The following SLC38A11 variants were observed in gnomAD, a reference collection of about 807,000 sequenced individuals.
The protein encoded by SLC38A11 is solute carrier family 38 member 11, also known as putative sodium-coupled neutral amino acid transporter 11.
A neutral mutation model predicts 49.4 loss-of-function variants in SLC38A11; 51 were observed. The ratio of observed to expected loss-of-function variants is 1.03; its 90% CI spans 0.83 to 1.30. SLC38A11 has a LOEUF of 1.30. SLC38A11 is among the 50% of genes most tolerant of loss of function. The pLI is 0.00. For missense variants in SLC38A11, 574 were observed against 556.2 expected (o/e 1.03, Z -0.32); for synonymous variants, 203 against 192.9 (o/e 1.05, Z -0.43).
rs1688735843 is a variant in SLC38A11, at chr2:164,954,707, A to C, written c.78T>G (p.His26Gln). The C allele has an allele frequency of 6.5e-7, 1 of 1,540,214 alleles. No individual in the cohort carries two copies. The highest frequency in any genetic ancestry group is 8.8e-7 in the Non-Finnish European group (1 of 1,141,200). Residue 26 changes from histidine to glutamine, a missense_variant, in exon 2 of 12, where the codon CAT (histidine) becomes CAG (glutamine). Transcript: ENST00000685975. ...LDDRETLVSE[H>Q]EYKEKTCQSA... ...ACTGACAGGTTTTCTCTTTATACTC[A>C]TGTTCAGAAACAAGGGTTTCTCTGT...
In SLC38A11 at chr2:164,897,262, G is replaced by A. The variant is rs1463873720; in HGVS notation, c.*1175C>T. ...ATCAGTAGACCACCTCGAGCTCTCA[G>A]TTCCTTTAGGGTTTGCTCTGCTGCA... On this transcript the variant is annotated 3_prime_UTR_variant, in exon 12 of 12. Transcript: ENST00000685975. 1 of 152,192 alleles carries A rather than the reference G, an allele frequency of 6.6e-6. No homozygotes were observed. Among genetic ancestry groups the A allele is most frequent in the Non-Finnish European group, 1.5e-5 (1 of 68,044 alleles). The allele number at this position is 152,192 out of a possible 1,614,324, so 9.4% of individuals were successfully genotyped here.
chr2:164,943,562 A>T (rs1687920647), intron 5 of SLC38A11, among the ~76,000 whole-genome samples: 1 of 152,208 alleles, frequency 6.6e-6, no homozygotes, highest in Admixed American at 6.5e-5. Context: ...TAGGGAGAGA[A>T]ATCTCATCAG....
chr2:164,936,842 C>T (rs1240686962), intron 7 of SLC38A11, among the ~76,000 whole-genome samples: 1 of 151,998 alleles, frequency 6.6e-6, no homozygotes, highest in African/African-American at 2.4e-5. Context: ...TTTTACCTCA[C>T]CAAATAATAA....
At chr2:164,917,937 T>C (rs1490465772) in intron 7 of SLC38A11, among the ~76,000 whole-genome samples, 3 of 152,092 alleles carry the variant, frequency 2.0e-5, no homozygotes, top group Non-Finnish European at 4.4e-5. Flanking sequence ...TTTTATAAGA[T>C]GGAAAGTGCC....
chr2:164,915,923 G>A lies in SLC38A11; in HGVS notation c.668C>T (p.Ala223Val), dbSNP rs764538386. Residue 223 changes from alanine to valine, a missense_variant, in exon 8 of 12, where the codon GCG becomes GTG. Physicochemically the swap from Ala to Val is moderately conservative, Grantham distance 64. Transcript: ENST00000685975. The part of the protein sequence containing the change: ...WVFAKPNAIQ[A>V]VGVMSFAFIC... ...CTCACCAAAAGACATAACCCCGACC[G>A]CTTGAATGGCATTGGGCTTTGCAAA... The A allele has an allele frequency of 5.1e-5, 81 of 1,601,752 alleles. No individual in the cohort carries two copies. Among genetic ancestry groups the A allele is most frequent in the Non-Finnish European group, 2.3e-5 (27 of 1,171,028 alleles).
intron 11 of SLC38A11, among the ~76,000 whole-genome samples, chr2:164,907,144 C>G (rs965683002): frequency 6.6e-6 from 1 of 151,964 alleles, no homozygotes; most frequent in Non-Finnish European, 1.5e-5. Context: ...TCTAGTTCCA[C>G]AAAATACAAC....
At position 164,898,539 on chromosome 2, in the gene SLC38A11, C is replaced by A; in HGVS notation, c.1287G>T (p.Met429Ile). 1 of 1,613,580 alleles carries A rather than the reference C, an allele frequency of 6.2e-7. No individual in the cohort carries two copies. The highest frequency in any genetic ancestry group is 8.5e-7 in the Non-Finnish European group (1 of 1,179,716). The change falls in exon 12 of 12, where the codon ATG becomes ATT. Residue 429 changes from methionine to isoleucine, a missense_variant. Met to Ile is a conservative substitution (Grantham distance 10). Transcript: ENST00000685975. ...NTQDCTHGQE[M>I]FYCFPDNFSL... is the part of the protein sequence containing the mutation. ...AGAAATTGTCAGGAAAGCAGTAGAA[C>A]ATTTCCTGCCCATGGGTGCAGTCTT...
chr2:164,937,550 T>C, intron 6 of SLC38A11, 121 bp from the exon 7 acceptor site: 2 of 634,670 alleles, frequency 3.2e-6, no homozygotes, highest in Admixed American at 2.6e-5. Flanking sequence ...CCTAATTCTT[T>C]AGTAGGTTAT....
intron 3 of SLC38A11, among the ~76,000 whole-genome samples, chr2:164,951,926 G>C (rs1011782494): frequency 6.6e-6 from 1 of 152,108 alleles, no homozygotes; most frequent in Non-Finnish European, 1.5e-5. Flanking sequence ...GCTGGTAAAA[G>C]GGCATCTAAT....
intron 7 of SLC38A11, among the ~76,000 whole-genome samples, chr2:164,916,351 T>C (rs1685784863): frequency 1.3e-5 from 2 of 152,156 alleles, no homozygotes; most frequent in Admixed American, 6.6e-5. Flanking sequence ...TTACTGCTGT[T>C]CATTCCGCTC....
chr2:164,909,294 A>G (rs1398415908), intron 10 of SLC38A11, among the ~76,000 whole-genome samples: 2 of 152,092 alleles, frequency 1.3e-5, no homozygotes, highest in East Asian at 3.9e-4. Context: ...AAAATGGGCA[A>G]GAGTTCATCA....
intron 9 of SLC38A11, among the ~76,000 whole-genome samples, chr2:164,913,622 C>T (rs1256889724): frequency 6.6e-6 from 1 of 151,500 alleles, no homozygotes; most frequent in Non-Finnish European, 1.5e-5. Context: ...TATATCTGAG[C>T]AATTACCACT....
At chr2:164,901,750 T>C (rs531008793) in intron 11 of SLC38A11, among the ~76,000 whole-genome samples, 48 of 152,272 alleles carry the variant, frequency 3.2e-4, no homozygotes, top group African/African-American at 1.2e-3. Flanking sequence ...TTTATTTCTT[T>C]TTGTTGTCTG....
chr2:164,915,664 A>G, intron 8 of SLC38A11: 1 of 462,122 alleles, frequency 2.2e-6, no homozygotes, highest in Non-Finnish European at 3.9e-6. Flanking sequence ...TTAAGAAACA[A>G]GATGACTGTA....
chr2:164,914,550 C>A (rs552110597), intron 9 of SLC38A11, among the ~76,000 whole-genome samples: 37 of 151,568 alleles, frequency 2.4e-4, no homozygotes, highest in Non-Finnish European at 4.6e-4. Context: ...AATGAAAGTA[C>A]CGGGAAATTT....
At chr2:164,939,418 A>G (rs1687592685) in intron 6 of SLC38A11, 32 bp downstream of exon 6, 1 of 1,454,660 alleles carries the variant, frequency 6.9e-7, no homozygotes, top group Admixed American at 1.8e-5. Context: ...AACAAGGTAC[A>G]TTTCTATGCC....
chr2:164,954,642 G>A lies in SLC38A11; in HGVS notation c.143C>T (p.Ser48Phe), dbSNP rs1324143760. ...GCAAATACACTTACCTATTATACCA[G>A]ATCCTATAATCGAGTTGACAACATT... ...LFNVVNSIIGSGIIGLPYSMK... is the reference protein window; with the variant it reads ...LFNVVNSIIGFGIIGLPYSMK... Residue 48 changes from serine (S) to phenylalanine (F), a missense_variant, in exon 2 of 12, where the codon TCT becomes TTT. By Grantham distance (155) the Ser-to-Phe change is radical. Coordinates refer to ENST00000685975, the MANE Select transcript of SLC38A11 (RefSeq NM_001351537.2). 4 of 1,514,396 alleles carry A rather than the reference G, an allele frequency of 2.6e-6. No individual in the cohort carries two copies. The highest frequency in any genetic ancestry group is 3.6e-6 in the Non-Finnish European group (4 of 1,123,068). 93.8% of individuals were successfully genotyped at this position (1,514,396 alleles called of 1,614,324 possible).
chr2:164,941,296 T>A (rs1478938224), intron 5 of SLC38A11, among the ~76,000 whole-genome samples: 1 of 152,158 alleles, frequency 6.6e-6, no homozygotes, highest in Non-Finnish European at 1.5e-5. Context: ...TACTTTGACT[T>A]ATATCAAGAG....
chr2:164,946,876 A>G (rs1688146655), intron 3 of SLC38A11, among the ~76,000 whole-genome samples: 1 of 152,046 alleles, frequency 6.6e-6, no homozygotes, highest in Non-Finnish European at 1.5e-5. Context: ...CAGGATCATC[A>G]ATGTTCTCCA....
Sources: gnomAD v4.1 joint callset for allele counts (sites outside exome capture counted in the v4.1 genomes callset) on GRCh38, gnomAD v4.1.1 for gene constraint, MANE v1.5 for transcripts, NCBI Gene and HGNC (gene_info 2026-07-23, HGNC 2026-07-21) for gene names.